NAV2: variants seen among roughly 807,000 people sequenced by gnomAD.
NAV2 encodes the protein neuron navigator 2.
Under a neutral mutation model 223.2 loss-of-function variants are expected in NAV2, and 54 were observed. The observed-to-expected ratio is 0.24, with a 90% confidence interval of 0.19 to 0.30. NAV2 has a LOEUF of 0.30. NAV2 is among the 10% of genes least tolerant of loss of function. NAV2 has a pLI of 1.00. For missense variants in NAV2, 2,806 were observed against 3,147.5 expected, an observed-to-expected ratio of 0.89 and a Z score of 2.60; for synonymous variants, 1,279 against 1,239.3, an observed-to-expected ratio of 1.03 and a Z score of -0.67.
intron 11 of NAV2, among the ~76,000 whole-genome samples, chr11:20,016,026 G>A (rs552832778): frequency 1.3e-5 from 2 of 152,236 alleles, no homozygotes; most frequent in African/African-American, 2.4e-5. Context: ...TCTGAGCGCC[G>A]GTTTCTTTTT....
intron 1 of NAV2, among the ~76,000 whole-genome samples, chr11:19,791,425 C>T (rs967303100): frequency 2.0e-5 from 3 of 152,168 alleles, no homozygotes; most frequent in African/African-American, 4.8e-5. Flanking sequence ...CTTTCCTGGC[C>T]CAGGTGTGGA....
chr11:19,447,397 C>A (rs933852616), intron 1 of NAV2, among the ~76,000 whole-genome samples: 1 of 152,166 alleles, frequency 6.6e-6, no homozygotes, highest in East Asian at 1.9e-4. Flanking sequence ...GGTTCAGAGC[C>A]TGGGCTCTGG....
chr11:19,350,229 A>T (rs1853234496), upstream of NAV2, among the ~76,000 whole-genome samples: 1 of 152,130 alleles, frequency 6.6e-6, no homozygotes, highest in Non-Finnish European at 1.5e-5. Flanking sequence ...TTGTCCATGG[A>T]TGTGCTCAGA....
intron 10 of NAV2, among the ~76,000 whole-genome samples, chr11:19,962,569 C>A (rs1027342904): frequency 3.3e-5 from 5 of 152,176 alleles, no homozygotes; most frequent in Non-Finnish European, 7.3e-5. Flanking sequence ...TGGGATGTGA[C>A]CACAGATCAA....
At chr11:19,360,987 GA>G (rs1411675181) in intron 1 of NAV2, among the ~76,000 whole-genome samples, 3 of 152,024 alleles carry the variant, frequency 2.0e-5, no homozygotes, top group Non-Finnish European at 4.4e-5. Context: ...TGATGAGGTG[GA>G]AAAAACTGTG....
chr11:19,620,834 G>A (rs1278890296), intron 1 of NAV2, among the ~76,000 whole-genome samples: 1 of 152,158 alleles, frequency 6.6e-6, no homozygotes, highest in East Asian at 1.9e-4. Flanking sequence ...TCCCTGTCTT[G>A]TGCCAGTTTT....
chr11:19,404,341 G>A (rs1849806011), intron 1 of NAV2, among the ~76,000 whole-genome samples: 1 of 152,178 alleles, frequency 6.6e-6, no homozygotes, highest in Admixed American at 6.5e-5. Context: ...CCTGAACTTG[G>A]CAAGGGAGCA....
intron 1 of NAV2, among the ~76,000 whole-genome samples, chr11:19,613,277 A>G (rs567063573): frequency 1.3e-5 from 2 of 152,258 alleles, no homozygotes; most frequent in South Asian, 2.1e-4. Flanking sequence ...ACAACTGACT[A>G]GGGTCTACCC....
chr11:19,484,592 G>A lies in NAV2; in HGVS notation c.75+133565G>A, dbSNP rs542843983. Among the ~76,000 whole-genome samples the A allele has an allele frequency of 6.6e-5, 10 of 152,292 alleles. No homozygotes were observed. The South Asian group carries it at 2.1e-3, about 32-fold the overall frequency. ...CTATTCTCAGGGTTGGATCCCTCTTGGAGAAAGTTCCAACTTCTGGTATTC... is the reference window on the plus strand; with the variant it reads ...CTATTCTCAGGGTTGGATCCCTCTTAGAGAAAGTTCCAACTTCTGGTATTC... On this transcript the variant is annotated intron_variant, in intron 1 of 37. Coordinates refer to the NAV2 transcript ENST00000360655.
In NAV2 at chr11:19,977,008, A is replaced by G. The variant is rs114613487; in HGVS notation, c.2646-7117A>G. Among the ~76,000 whole-genome samples, 644 of 152,288 alleles carry G rather than the reference A, an allele frequency of 4.2e-3. 1 individual carries two copies. The highest frequency in any genetic ancestry group is 0.015 in the African/African-American group (613 of 41,544). ...CGCTATCAACTTGGTGACATCCTGA[A>G]GAGCTGACAGTCCTGGAGGACAGTA... On this transcript the variant is annotated intron_variant, in intron 10 of 37. Transcript: ENST00000349880.
Position 20,044,209 on chromosome 11 carries a change from G to T in NAV2, c.3136G>T (p.Gly1046Cys), listed in dbSNP as rs1378063921. Residue 1046 changes from glycine (G) to cysteine (C), a missense_variant, in exon 13 of 38, where the codon GGC becomes TGC. Physicochemically the swap from Gly to Cys is radical, Grantham distance 159. Coordinates refer to ENST00000349880, the MANE Select transcript of NAV2 (RefSeq NM_145117.5). Reference protein sequence around the residue: ...SWRRGMTAQVGITMPRTKPSA... With the variant: ...SWRRGMTAQVCITMPRTKPSA... ...GCGGCGAGGCATGACAGCTCAGGTGGGCATCACCATGCCAAGGACGAAGCC... is the reference window on the plus strand; with the variant it reads ...GCGGCGAGGCATGACAGCTCAGGTGTGCATCACCATGCCAAGGACGAAGCC... 1.2e-6 allele frequency: 2 copies of T among 1,614,106 alleles called. No homozygotes were observed.
intron 1 of NAV2, among the ~76,000 whole-genome samples, chr11:19,550,690 A>G (rs1399281271): frequency 1.3e-5 from 2 of 152,198 alleles, no homozygotes; most frequent in Admixed American, 1.3e-4. Flanking sequence ...GGGCCCTGTG[A>G]TATTGCCCAC....
intron 10 of NAV2, among the ~76,000 whole-genome samples, chr11:19,955,556 C>A (rs1267892503): frequency 6.6e-6 from 1 of 152,202 alleles, no homozygotes; most frequent in Non-Finnish European, 1.5e-5. Flanking sequence ...TGCCTCTAAC[C>A]CTGTGAGCTT....
rs1459089560 is a variant in NAV2, at chr11:19,713,155, C to T, written c.-541C>T. On this transcript the variant is annotated 5_prime_UTR_variant, in exon 1 of 38. It adds an upstream start codon to the 5' untranslated region. Transcript: ENST00000349880. The surrounding 1 kb of genome is among the most constrained non-coding windows in gnomAD (Gnocchi z 7.2). ...GGTGGCAGCTGCCTCTCGGTGGAGA[C>T]GTCTTGGGACCCTTGCGCCCTTCTT... 1.3e-5 allele frequency among the ~76,000 whole-genome samples: 2 copies of T among 151,102 alleles called. No individual in the cohort carries two copies. The highest frequency in any genetic ancestry group is 4.3e-4 in the South Asian group (2 of 4,700).
At chr11:20,105,419 A>G in intron 34 of NAV2, 112 bp from the exon 35 acceptor site, 1 of 823,542 alleles carries the variant, frequency 1.2e-6, no homozygotes, top group South Asian at 1.7e-5. Context: ...AGCTAATCCA[A>G]TTTGTTGCAT....
intron 1 of NAV2, among the ~76,000 whole-genome samples, chr11:19,786,579 A>G (rs1274685958): frequency 1.3e-5 from 2 of 152,214 alleles, no homozygotes; most frequent in African/African-American, 2.4e-5. Context: ...TTGGGACCCC[A>G]TAAGAGTACT....
chr11:20,052,531 G>A (rs755045808), intron 17 of NAV2, among the ~76,000 whole-genome samples: 8 of 152,158 alleles, frequency 5.3e-5, no homozygotes, highest in Non-Finnish European at 1.0e-4. Context: ...ATGCCCCACT[G>A]GTGCCCTGAG....
intron 14 of NAV2, among the ~76,000 whole-genome samples, chr11:20,046,580 A>C (rs1247469718): frequency 1.4e-4 from 17 of 117,438 alleles, no homozygotes; most frequent in African/African-American, 3.5e-4. Flanking sequence ...CTGAAATTTT[A>C]ACTTCCCCCT....
intron 1 of NAV2, among the ~76,000 whole-genome samples, chr11:19,692,965 C>T (rs1235398228): frequency 2.6e-5 from 4 of 152,246 alleles, no homozygotes; most frequent in Admixed American, 6.5e-5. Flanking sequence ...GGCTGCTCCC[C>T]GATCAGGACA....
Sources: gnomAD v4.1 joint callset for allele counts (sites outside exome capture counted in the v4.1 genomes callset) on GRCh38, gnomAD v4.1.1 for gene constraint, Gnocchi (gnomAD v3.1) non-coding constraint, MANE v1.5 for transcripts, NCBI Gene and HGNC (gene_info 2026-07-23, HGNC 2026-07-21) for gene names.